Variants in C9 observed in about 807,000 individuals in gnomAD.
The protein encoded by C9 is complement C9.
Under a neutral mutation model 65.4 loss-of-function variants are expected in C9, and 63 were observed. The ratio of observed to expected loss-of-function variants is 0.96; its 90% CI spans 0.79 to 1.19. C9 has a LOEUF of 1.19. Ranked by LOEUF, C9 falls within the 50% of genes most tolerant of loss-of-function variation. C9 has a pLI of 0.00. For synonymous variants in C9, 229 were observed against 227.9 expected (o/e 1.00, Z -0.04); for missense variants, 744 against 670.1 (o/e 1.11, Z -1.22).
chr5:39,336,274 C>T (rs546766002), intron 4 of C9, among the ~76,000 whole-genome samples: 8 of 152,148 alleles, frequency 5.3e-5, no homozygotes, highest in African/African-American at 1.9e-4. Context: ...ACAGAAGGCA[C>T]ACAGACTTCC....
rs189820112 is a variant in C9, at chr5:39,317,276, A to T, written c.616-1247T>A. ...TTTGTCAGATGGATAGATTGCAAAAATTTTCACCTATTATATAGGTTGCCT... is the reference window on the plus strand; with the variant it reads ...TTTGTCAGATGGATAGATTGCAAAATTTTTCACCTATTATATAGGTTGCCT... On this transcript the variant is annotated intron_variant, in intron 5 of 10. Transcript: ENST00000263408. Among the ~76,000 whole-genome samples, 204 of 151,986 alleles carry T rather than the reference A, an allele frequency of 1.3e-3. 1 individual carries two copies. The South Asian group carries it at 0.027, about 20-fold the overall frequency.
chr5:39,308,208 T>A (rs1561337289), intron 8 of C9, 22 bp downstream of exon 8: 1 of 1,610,340 alleles, frequency 6.2e-7, no homozygotes, highest in Admixed American at 1.7e-5. Context: ...TTATAAAATC[T>A]AACAAGTGAG....
intron 7 of C9, among the ~76,000 whole-genome samples, chr5:39,309,989 A>G (rs373303987): frequency 6.6e-6 from 1 of 152,180 alleles, no homozygotes; most frequent in East Asian, 1.9e-4. Context: ...CTCCATCAAT[A>G]TAGCTTCCAG....
intron 1 of C9, among the ~76,000 whole-genome samples, chr5:39,355,898 G>T (rs700219): frequency 6.6e-6 from 1 of 151,756 alleles, no homozygotes; most frequent in Non-Finnish European, 1.5e-5. Flanking sequence ...GACACCAGTC[G>T]TATTGGATTA....
At chr5:39,356,099 G>C (rs1359195793) in intron 1 of C9, among the ~76,000 whole-genome samples, 2 of 152,098 alleles carry the variant, frequency 1.3e-5, no homozygotes, top group African/African-American at 4.8e-5. Context: ...CCTTATATTT[G>C]TCTATTCATT....
intron 9 of C9, among the ~76,000 whole-genome samples, chr5:39,295,772 G>T (rs1327993688): frequency 6.6e-6 from 1 of 151,544 alleles, no homozygotes; most frequent in South Asian, 2.1e-4. Flanking sequence ...CGCATTATCG[G>T]ATCTCGAAAT....
At chr5:39,294,879 G>GC (rs1254827075) in intron 9 of C9, among the ~76,000 whole-genome samples, 4 of 151,724 alleles carry the variant, frequency 2.6e-5, no homozygotes, top group African/African-American at 9.7e-5. Context: ...GATCAAGTGG[G>GC]CATGAATTAT....
chr5:39,333,863 C>T (rs696761), intron 4 of C9, among the ~76,000 whole-genome samples: 62,753 of 151,972 alleles, frequency 0.41, 13,007 homozygotes, highest in East Asian at 0.47. Context: ...ATCCGCCAGC[C>T]TTGGCCTCCT....
chr5:39,293,154 A>G (rs1459701451), intron 9 of C9, among the ~76,000 whole-genome samples: 3 of 151,954 alleles, frequency 2.0e-5, no homozygotes, highest in Non-Finnish European at 4.4e-5. Context: ...GAAACAAAAG[A>G]TATTCAGAAT....
At chr5:39,341,477 A>G in intron 3 of C9, 79 bp downstream of exon 3, 5 of 1,539,226 alleles carry the variant, frequency 3.2e-6, no homozygotes, top group Non-Finnish European at 4.5e-6. Flanking sequence ...AAGTGTCCAG[A>G]AGCATATGCT....
intron 4 of C9, among the ~76,000 whole-genome samples, chr5:39,337,752 T>A (rs1011995328): frequency 9.2e-5 from 14 of 152,234 alleles, no homozygotes; most frequent in Non-Finnish European, 1.5e-5. Flanking sequence ...TTCTGGAGAA[T>A]CTCAGATGCC....
intron 1 of C9, 131 bp from the exon 2 acceptor site, chr5:39,342,327 C>G: frequency 1.6e-6 from 1 of 620,952 alleles, no homozygotes; most frequent in South Asian, 1.9e-5. Flanking sequence ...TACTATATCT[C>G]TCATTTCACC....
At chr5:39,313,975 T>C (rs1026269265) in intron 6 of C9, among the ~76,000 whole-genome samples, 1 of 152,208 alleles carries the variant, frequency 6.6e-6, no homozygotes, top group East Asian at 1.9e-4. Context: ...GCCAAAAACC[T>C]TGGACTTATG....
chr5:39,355,050 A>G (rs1218462982), intron 1 of C9, among the ~76,000 whole-genome samples: 2 of 152,094 alleles, frequency 1.3e-5, no homozygotes, highest in Non-Finnish European at 2.9e-5. Context: ...TTTGTCTATT[A>G]CTTTTGTATT....
At chr5:39,351,892 C>T (rs1237649698) in intron 1 of C9, among the ~76,000 whole-genome samples, 1 of 152,160 alleles carries the variant, frequency 6.6e-6, no homozygotes, top group Non-Finnish European at 1.5e-5. Context: ...TCCACATTTT[C>T]AGGTATCTTT....
chr5:39,357,981 T>C (rs552425358), intron 1 of C9, among the ~76,000 whole-genome samples: 1 of 151,906 alleles, frequency 6.6e-6, no homozygotes, highest in Non-Finnish European at 1.5e-5. Flanking sequence ...GAGAGAGAGA[T>C]ATTCCTAAAG....
At chr5:39,357,962 GGA>G (rs150644311) in intron 1 of C9, among the ~76,000 whole-genome samples, 161 of 150,118 alleles carry the variant, frequency 1.1e-3, no homozygotes, top group African/African-American at 2.7e-3. Context: ...AGCATGGGGT[GGA>G]GAGAGAGAGA....
chr5:39,339,651 CTTTTTTTTTTTTT>C (rs550624256), intron 4 of C9, among the ~76,000 whole-genome samples: 4 of 57,550 alleles, frequency 7.0e-5, no homozygotes, highest in Admixed American at 2.6e-4. Flanking sequence ...TCTTTTCTCT[CTTTTTTTTTTTTT>C]TTTTTTTTTT....
intron 1 of C9, among the ~76,000 whole-genome samples, chr5:39,355,733 T>C (rs902683913): frequency 6.6e-6 from 1 of 152,210 alleles, no homozygotes; most frequent in East Asian, 1.9e-4. Context: ...AAATTTATTT[T>C]TTTGCAATTC....
Sources: allele counts gnomAD v4.1 joint callset (sites outside exome capture counted in the v4.1 genomes callset), GRCh38; gene constraint gnomAD v4.1.1; transcripts MANE v1.5; gene names NCBI Gene and HGNC (gene_info 2026-07-23, HGNC 2026-07-21).